NEXN: variants seen among roughly 807,000 people sequenced by gnomAD.
The protein encoded by NEXN is nexilin F-actin binding protein, also known as nexilin.
NEXN carries 65 observed loss-of-function variants against 92.6 expected under a neutral mutation model. That is an observed-to-expected ratio of 0.70 (90% CI 0.57 to 0.86). NEXN has a LOEUF of 0.86. NEXN is among the 40% of genes least tolerant of loss of function. NEXN has a pLI of 0.00. For missense variants in NEXN, 778 were observed against 771.1 expected, an observed-to-expected ratio of 1.01 and a Z score of -0.11; for synonymous variants, 254 against 242.5, an observed-to-expected ratio of 1.05 and a Z score of -0.44.
chr1:77,938,247 A>G (rs1262643650), intron 11 of NEXN, among the ~76,000 whole-genome samples: 1 of 152,232 alleles, frequency 6.6e-6, no homozygotes, highest in Non-Finnish European at 1.5e-5. Context: ...CATCATTGCC[A>G]AAAGCAAACA....
chr1:77,939,131 TAGG>T (rs1651040090), intron 11 of NEXN, among the ~76,000 whole-genome samples: 1 of 152,094 alleles, frequency 6.6e-6, no homozygotes, highest in Admixed American at 6.5e-5. Flanking sequence ...CTGGTATGGA[TAGG>T]AGTTGAACAA....
At chr1:77,916,180 T>C in intron 2 of NEXN, 47 bp downstream of exon 2, 1 of 1,474,828 alleles carries the variant, frequency 6.8e-7, no homozygotes, top group Non-Finnish European at 9.4e-7. Context: ...AAATGTAGAG[T>C]TGACTGTAGA....
At chr1:77,919,075 G>A (rs1040464927) in intron 5 of NEXN, among the ~76,000 whole-genome samples, 7 of 152,302 alleles carry the variant, frequency 4.6e-5, no homozygotes, top group East Asian at 1.9e-4. Flanking sequence ...GAATCATGGC[G>A]GGAGGTGAAA....
chr1:77,924,738 C>T (rs1370688878), intron 5 of NEXN, among the ~76,000 whole-genome samples: 1 of 151,992 alleles, frequency 6.6e-6, no homozygotes, highest in Admixed American at 6.6e-5. Flanking sequence ...TGGCTCACTG[C>T]AGCCTGAACC....
chr1:77,902,586 A>T (rs1268292301), intron 1 of NEXN, among the ~76,000 whole-genome samples: 1 of 152,224 alleles, frequency 6.6e-6, no homozygotes, highest in Non-Finnish European at 1.5e-5. Context: ...AAAATAAATG[A>T]AACAGACTTT....
intron 5 of NEXN, among the ~76,000 whole-genome samples, chr1:77,923,056 C>T (rs565079079): frequency 1.0e-4 from 14 of 140,658 alleles, no homozygotes; most frequent in East Asian, 2.0e-4. Flanking sequence ...CTCCCAGGCA[C>T]GCTCATGGCT....
At chr1:77,894,495 C>T (rs1481275363) in intron 1 of NEXN, among the ~76,000 whole-genome samples, 1 of 151,904 alleles carries the variant, frequency 6.6e-6, no homozygotes, top group Non-Finnish European at 1.5e-5. Flanking sequence ...GGCTAGAGTG[C>T]AGTGGCGTGA....
intron 10 of NEXN, among the ~76,000 whole-genome samples, chr1:77,935,616 T>C (rs538209813): frequency 3.3e-5 from 5 of 152,372 alleles, no homozygotes; most frequent in Non-Finnish European, 7.4e-5. Context: ...AGTGCACATC[T>C]TTTGGATGGT....
intron 9 of NEXN, among the ~76,000 whole-genome samples, chr1:77,930,708 G>A (rs1650218047): frequency 6.6e-6 from 1 of 152,142 alleles, no homozygotes; most frequent in Non-Finnish European, 1.5e-5. Context: ...GTGAGACTCA[G>A]CCTTCACACT....
At chr1:77,892,052 C>G (rs904149466) in intron 1 of NEXN, among the ~76,000 whole-genome samples, 1 of 151,398 alleles carries the variant, frequency 6.6e-6, no homozygotes, top group African/African-American at 2.4e-5. Flanking sequence ...CACTGCACTC[C>G]AGCCTAAGCA....
rs35366555 is a variant in NEXN at position 77,935,979 on chromosome 1, G to C, written c.1408G>C (p.Glu470Gln). 754 of 1,613,958 alleles carry C rather than the reference G, an allele frequency of 4.7e-4. 2 individuals carry two copies. In the African/African-American group the frequency reaches 9.2e-3, roughly 20 times the overall value. Residue 470 changes from glutamate to glutamine, a missense_variant, in exon 11 of 13, where the codon GAG becomes CAG. This residue lies in a region of NEXN where 532 missense variants were observed against 476.7 expected (regional missense o/e 1.12). Coordinates refer to ENST00000334785, the MANE Select transcript of NEXN (RefSeq NM_144573.4). ...AGAAATACAGAAAAAAATAGAAGAA[G>C]AGCGAGCAAGAAGGAGAGCAATTGA... is the stretch of plus-strand genomic sequence containing the variant. ...EKEIQKKIEE[E>Q]RARRRAIDLE...
At chr1:77,934,419 A>T (rs1650578928) in intron 10 of NEXN, among the ~76,000 whole-genome samples, 1 of 152,220 alleles carries the variant, frequency 6.6e-6, no homozygotes, top group African/African-American at 2.4e-5. Flanking sequence ...TTCTGGGATT[A>T]CAGGCATTAG....
rs1651620952 is a variant in NEXN at position 77,943,799 on chromosome 1, C to T, written c.*970C>T. 6.6e-6 allele frequency: 1 copy of T among 152,170 alleles called. No individual in the cohort carries two copies. The highest frequency in any genetic ancestry group is 2.4e-5 in the African/African-American group (1 of 41,406). 9.4% of individuals were successfully genotyped at this position (152,170 alleles called of 1,614,324 possible). A position where few individuals can be genotyped will look rare whatever the true frequency, so the allele number is the denominator to read the frequency against. On this transcript the variant is annotated 3_prime_UTR_variant, in exon 13 of 13. Coordinates refer to ENST00000334785, the MANE Select transcript of NEXN (RefSeq NM_144573.4). ...TTAAAATGAGTTTGTAAATAATTAGCTATTACGTTCTATTAAGTTGTTTTA... is the reference window on the plus strand; with the variant it reads ...TTAAAATGAGTTTGTAAATAATTAGTTATTACGTTCTATTAAGTTGTTTTA...
chr1:77,909,529 T>G (rs1026770526), intron 1 of NEXN, among the ~76,000 whole-genome samples: 1 of 152,180 alleles, frequency 6.6e-6, no homozygotes, highest in Non-Finnish European at 1.5e-5. Context: ...TATTTTTATC[T>G]CAGGCACATA....
At chr1:77,940,911 T>C (rs1651249760) in intron 11 of NEXN, among the ~76,000 whole-genome samples, 1 of 152,188 alleles carries the variant, frequency 6.6e-6, no homozygotes, top group South Asian at 2.1e-4. Context: ...ACGCACCAGG[T>C]AGCAGGTTGT....
At chr1:77,937,796 T>A (rs1163108720) in intron 11 of NEXN, among the ~76,000 whole-genome samples, 1 of 152,238 alleles carries the variant, frequency 6.6e-6, no homozygotes, top group Non-Finnish European at 1.5e-5. Context: ...TCCCTGTTCA[T>A]ATAGTGTTTA....
chr1:77,890,248 A>G (rs1647074820), intron 1 of NEXN, among the ~76,000 whole-genome samples: 1 of 152,234 alleles, frequency 6.6e-6, no homozygotes, highest in Admixed American at 6.5e-5. Flanking sequence ...AGAAAAATGC[A>G]TGCAATTATG....
At chr1:77,940,666 G>T (rs1049958483) in intron 11 of NEXN, among the ~76,000 whole-genome samples, 5 of 151,960 alleles carry the variant, frequency 3.3e-5, no homozygotes, top group African/African-American at 9.7e-5. Context: ...AGGTTCATTT[G>T]GTAAACAACA....
chr1:77,909,796 A>G (rs1648417128), intron 1 of NEXN, among the ~76,000 whole-genome samples: 1 of 152,204 alleles, frequency 6.6e-6, no homozygotes, highest in African/African-American at 2.4e-5. Flanking sequence ...AAAAAATAAT[A>G]CTAAATCCTA....
Sources: gnomAD v4.1 joint callset for allele counts (sites outside exome capture counted in the v4.1 genomes callset) on GRCh38, gnomAD v4.1.1 for gene constraint, gnomAD v4.1.1 regional missense constraint, MANE v1.5 for transcripts, NCBI Gene and HGNC (gene_info 2026-07-23, HGNC 2026-07-21) for gene names.